The following CPA6 variants were observed in gnomAD, a reference collection of about 807,000 sequenced individuals.
CPA6 encodes carboxypeptidase B.
CPA6 carries 58 observed loss-of-function variants against 63.3 expected under a neutral mutation model. The ratio of observed to expected loss-of-function variants is 0.92; its 90% CI spans 0.74 to 1.14. CPA6 has a LOEUF of 1.14. Among genes scored for constraint, CPA6 ranks in the 50% most tolerant of loss-of-function variants. The pLI is 0.00. For synonymous variants in CPA6, 185 were observed against 179.0 expected (o/e 1.03, Z -0.27); for missense variants, 565 against 526.6 (o/e 1.07, Z -0.71).
chr8:67,677,123 C>A (rs1201783934), intron 1 of CPA6, among the ~76,000 whole-genome samples: 5 of 152,148 alleles, frequency 3.3e-5, no homozygotes, highest in Admixed American at 1.3e-4. Flanking sequence ...CAGGGTACAA[C>A]CTTCGCAGTT....
chr8:67,579,824 C>T (rs1480896562), intron 2 of CPA6, among the ~76,000 whole-genome samples: 1 of 152,240 alleles, frequency 6.6e-6, no homozygotes, highest in African/African-American at 2.4e-5. Context: ...TTCGCTTCCA[C>T]ATTGGCTATG....
chr8:67,662,186 T>C (rs1816124844), intron 1 of CPA6, among the ~76,000 whole-genome samples: 1 of 152,118 alleles, frequency 6.6e-6, no homozygotes, highest in Admixed American at 6.5e-5. Context: ...GAGAGTAGCA[T>C]GTAAGAGTGT....
intron 2 of CPA6, among the ~76,000 whole-genome samples, chr8:67,567,088 G>A (rs1467840562): frequency 6.6e-6 from 1 of 152,216 alleles, no homozygotes; most frequent in East Asian, 1.9e-4. Flanking sequence ...GGCATGTAGA[G>A]AGTAGTAGAC....
At chr8:67,693,643 T>A (rs923109875) in intron 1 of CPA6, among the ~76,000 whole-genome samples, 1 of 152,222 alleles carries the variant, frequency 6.6e-6, no homozygotes, top group African/African-American at 2.4e-5. Context: ...GCTCCCTCAC[T>A]TCTGCCATGT....
intron 6 of CPA6, among the ~76,000 whole-genome samples, chr8:67,490,206 G>A (rs888407545): frequency 6.6e-6 from 1 of 152,120 alleles, no homozygotes. Context: ...TAAAAGAAAC[G>A]TAACCATGTG....
intron 9 of CPA6, among the ~76,000 whole-genome samples, chr8:67,430,157 GTGTGTGTGTGTGTGTATA>G (rs2128951661): frequency 6.9e-6 from 1 of 144,940 alleles, no homozygotes; most frequent in African/African-American, 2.7e-5. Context: ...GTGTGTGTGT[GTGTGTGTGTGTGTGTATA>G]TATTTTGTTT....
At chr8:67,715,848 T>C (rs1456970547) in intron 1 of CPA6, among the ~76,000 whole-genome samples, 1 of 151,892 alleles carries the variant, frequency 6.6e-6, no homozygotes, top group Non-Finnish European at 1.5e-5. Flanking sequence ...TGTAAAGAAA[T>C]TGGATGTTAA....
At chr8:67,460,044 C>T (rs1268769450) in intron 8 of CPA6, among the ~76,000 whole-genome samples, 3 of 152,182 alleles carry the variant, frequency 2.0e-5, no homozygotes, top group African/African-American at 7.2e-5. Flanking sequence ...CTACAGCTTT[C>T]CCACTCTCAC....
At chr8:67,561,419 A>G (rs894655637) in intron 2 of CPA6, among the ~76,000 whole-genome samples, 2 of 152,200 alleles carry the variant, frequency 1.3e-5, no homozygotes, top group Admixed American at 6.6e-5. Context: ...ATTGGATACG[A>G]TGAAAACATA....
chr8:67,451,472 TCC>T (rs1412260810), intron 8 of CPA6, among the ~76,000 whole-genome samples: 2 of 152,274 alleles, frequency 1.3e-5, no homozygotes, highest in Non-Finnish European at 2.9e-5. Flanking sequence ...AGCTCAGGGA[TCC>T]CACTGACTCT....
In CPA6 at chr8:67,627,436, TTTTG is replaced by T. The variant is rs201469732; in HGVS notation, c.117-3189_117-3186del. ...GCTTTTCCTTATAACTTATCAGGTT[TTTTG>T]TTTGTTTGTTTGTTTGTTTTTAACT... On this transcript the variant is annotated intron_variant, in intron 1 of 10. Coordinates refer to ENST00000297770, the MANE Select transcript of CPA6 (RefSeq NM_020361.5). 4.2e-3 allele frequency among the ~76,000 whole-genome samples: 639 copies of T among 152,248 alleles called. 3 individuals carry two copies. The highest frequency in any genetic ancestry group is 6.7e-3 in the Non-Finnish European group (458 of 68,018).
chr8:67,640,827 G>A (rs1815574794), intron 1 of CPA6, among the ~76,000 whole-genome samples: 1 of 151,618 alleles, frequency 6.6e-6, no homozygotes, highest in Admixed American at 6.6e-5. Flanking sequence ...AGCAGTGGCA[G>A]CCCCTGGCCA....
Position 67,460,566 on chromosome 8 carries a change from A to G in CPA6, c.838+23202T>C, listed in dbSNP as rs563537350. 2.6e-5 allele frequency among the ~76,000 whole-genome samples: 4 copies of G among 152,328 alleles called. No homozygotes were observed. The South Asian group carries it at 8.3e-4, about 32-fold the overall frequency. On this transcript the variant is annotated intron_variant, in intron 8 of 10. Transcript: ENST00000297770. ...TCCCAATCTATGAGTAGTGAATGAG[A>G]TGAATTAGCGCTAGCTTATTTCTTA...
chr8:67,465,734 C>T (rs1378555239), intron 8 of CPA6, among the ~76,000 whole-genome samples: 2 of 152,112 alleles, frequency 1.3e-5, no homozygotes, highest in Non-Finnish European at 2.9e-5. Flanking sequence ...GGTTTTAATT[C>T]TGTTTATGTG....
intron 2 of CPA6, among the ~76,000 whole-genome samples, chr8:67,565,572 C>T (rs949574859): frequency 1.3e-5 from 2 of 152,150 alleles, no homozygotes; most frequent in East Asian, 1.9e-4. Flanking sequence ...AGGCAATGGA[C>T]GTGCAGCCAA....
chr8:67,427,449 A>G (rs1317941253), intron 10 of CPA6, among the ~76,000 whole-genome samples: 1 of 152,134 alleles, frequency 6.6e-6, no homozygotes, highest in Non-Finnish European at 1.5e-5. Flanking sequence ...CTCTTGTTTA[A>G]CCTGCCTGGT....
chr8:67,444,758 CGA>C (rs1411175800), intron 8 of CPA6, among the ~76,000 whole-genome samples: 1 of 142,970 alleles, frequency 7.0e-6, no homozygotes, highest in African/African-American at 2.6e-5. Flanking sequence ...GGCAACAGAG[CGA>C]GACTCTGTCT....
chr8:67,679,237 A>G (rs146937007), intron 1 of CPA6, among the ~76,000 whole-genome samples: 241 of 152,340 alleles, frequency 1.6e-3, no homozygotes, highest in African/African-American at 5.1e-3. Context: ...AAAGCCCCGA[A>G]CATTCTGAAA....
chr8:67,493,787 T>C (rs1436474980), intron 6 of CPA6, among the ~76,000 whole-genome samples: 2 of 152,060 alleles, frequency 1.3e-5, no homozygotes, highest in Admixed American at 1.3e-4. Context: ...TTTCTTTCTT[T>C]CTTTCTTTTT....
Sources: gnomAD v4.1 joint callset for allele counts (sites outside exome capture counted in the v4.1 genomes callset) on GRCh38, gnomAD v4.1.1 for gene constraint, MANE v1.5 for transcripts, NCBI Gene and HGNC (gene_info 2026-07-23, HGNC 2026-07-21) for gene names.